AFG1L: variants seen among roughly 807,000 people sequenced by gnomAD.
AFG1L encodes the protein AFG1-like ATPase.
AFG1L carries 53 observed loss-of-function variants against 62.2 expected under a neutral mutation model. That is an observed-to-expected ratio of 0.85 (90% confidence interval 0.68 to 1.07). The LOEUF (loss-of-function observed/expected upper bound fraction) is 1.07, where lower values mean the gene tolerates loss of function less well. Ranked by LOEUF, AFG1L falls within the 50% of genes least tolerant of loss-of-function variation. AFG1L has a pLI of 0.00. For missense variants in AFG1L, 555 were observed against 590.5 expected (o/e 0.94, Z 0.62); for synonymous variants, 228 against 210.3 (o/e 1.08, Z -0.73).
chr6:108,395,049 A>G (rs937466402), intron 6 of AFG1L, among the ~76,000 whole-genome samples: 32 of 152,212 alleles, frequency 2.1e-4, no homozygotes, highest in African/African-American at 7.7e-4. Flanking sequence ...TGAAATCTAA[A>G]TAGCCTGGCC....
At chr6:108,522,181 TA>T (rs371449639) in intron 12 of AFG1L, 115 bp from the exon 13 acceptor site, 36 of 861,642 alleles carry the variant, frequency 4.2e-5, no homozygotes, top group East Asian at 5.4e-5. Flanking sequence ...AAAAAAGTTA[TA>T]AAAAAAGGCA....
At chr6:108,345,280 C>G (rs1778821912) in intron 2 of AFG1L, among the ~76,000 whole-genome samples, 1 of 151,962 alleles carries the variant, frequency 6.6e-6, no homozygotes, top group Admixed American at 6.6e-5. Flanking sequence ...TTTCTTTCTC[C>G]CACTATGCTT....
intron 10 of AFG1L, among the ~76,000 whole-genome samples, chr6:108,487,338 G>A (rs1369518602): frequency 6.6e-6 from 1 of 152,112 alleles, no homozygotes; most frequent in Non-Finnish European, 1.5e-5. Flanking sequence ...GGATAGTCAA[G>A]GCACTCCAGC....
chr6:108,336,218 C>A (rs1443306788), intron 2 of AFG1L, among the ~76,000 whole-genome samples: 3 of 152,132 alleles, frequency 2.0e-5, no homozygotes, highest in Non-Finnish European at 4.4e-5. Context: ...TTATGCTCAG[C>A]ATTCCAGCTG....
intron 3 of AFG1L, among the ~76,000 whole-genome samples, chr6:108,355,200 C>T (rs1715364845): frequency 6.6e-6 from 1 of 151,868 alleles, no homozygotes; most frequent in Non-Finnish European, 1.5e-5. Flanking sequence ...CTTGGCCTCC[C>T]AAAGTGCTGG....
chr6:108,485,658 T>A (rs1952739), intron 10 of AFG1L, among the ~76,000 whole-genome samples: 329 of 12,904 alleles, frequency 0.025, 1 homozygote, highest in Middle Eastern at 0.1. Flanking sequence ...ATATATATAT[T>A]TTTTTTTTTT....
chr6:108,339,666 G>A (rs1778607936), intron 2 of AFG1L, among the ~76,000 whole-genome samples: 1 of 151,972 alleles, frequency 6.6e-6, no homozygotes, highest in African/African-American at 2.4e-5. Context: ...CACCATGTTG[G>A]CTAGGCTGGT....
intron 8 of AFG1L, among the ~76,000 whole-genome samples, chr6:108,475,080 G>A (rs1183298238): frequency 6.6e-6 from 1 of 152,180 alleles, no homozygotes; most frequent in Non-Finnish European, 1.5e-5. Context: ...GCATAAGGAA[G>A]GGGTCCAGTT....
At chr6:108,437,003 A>G (rs983162312) in intron 7 of AFG1L, among the ~76,000 whole-genome samples, 3 of 152,142 alleles carry the variant, frequency 2.0e-5, no homozygotes, top group Non-Finnish European at 2.9e-5. Context: ...TCTGATTCCA[A>G]GATGTTACCT....
intron 10 of AFG1L, among the ~76,000 whole-genome samples, chr6:108,504,576 G>T (rs1056743912): frequency 6.6e-6 from 1 of 152,284 alleles, no homozygotes; most frequent in Non-Finnish European, 1.5e-5. Context: ...GTGACATATT[G>T]TGGCAGTTAA....
At chr6:108,438,724 C>T (rs1771415737) in intron 7 of AFG1L, among the ~76,000 whole-genome samples, 1 of 152,064 alleles carries the variant, frequency 6.6e-6, no homozygotes, top group African/African-American at 2.4e-5. Flanking sequence ...TTAAATATCC[C>T]CCTTCCCGCT....
intron 10 of AFG1L, among the ~76,000 whole-genome samples, chr6:108,505,285 G>A (rs1052443612): frequency 1.3e-5 from 2 of 152,066 alleles, no homozygotes; most frequent in Middle Eastern, 3.4e-3. Flanking sequence ...GTAGAGATGG[G>A]GTTTCACCAT....
intron 7 of AFG1L, among the ~76,000 whole-genome samples, chr6:108,424,912 A>G (rs1770746891): frequency 6.6e-6 from 1 of 152,138 alleles, no homozygotes; most frequent in Non-Finnish European, 1.5e-5. Context: ...TATCACTGCC[A>G]TCACTCTTGG....
chr6:108,308,698 ATTATTTAT>A (rs900383971), intron 1 of AFG1L, among the ~76,000 whole-genome samples: 1 of 151,030 alleles, frequency 6.6e-6, no homozygotes, highest in South Asian at 2.1e-4. Context: ...TATTTATTTT[ATTATTTAT>A]TTATTTATTT....
Position 108,514,799 on chromosome 6 carries a change from G to T in AFG1L, c.1203+4447G>T, listed in dbSNP as rs552472804. 3.9e-5 allele frequency among the ~76,000 whole-genome samples: 6 copies of T among 152,280 alleles called. No homozygotes were observed. In the South Asian group the frequency reaches 1.0e-3, roughly 26 times the overall value. On this transcript the variant is annotated intron_variant, in intron 11 of 12. Coordinates refer to ENST00000368977, the MANE Select transcript of AFG1L (RefSeq NM_145315.5). ...ATGGACTCAAAATAAAAGGATGGAG[G>T]AAGATCTACCAAGCAAATGGAAAAC... is the stretch of plus-strand genomic sequence containing the variant.
chr6:108,415,246 A>G (rs1459641857), intron 7 of AFG1L, among the ~76,000 whole-genome samples: 1 of 152,234 alleles, frequency 6.6e-6, no homozygotes, highest in Non-Finnish European at 1.5e-5. Context: ...GGAGAACTGC[A>G]AACCACTGCT....
chr6:108,409,331 C>T (rs564064858), intron 7 of AFG1L, among the ~76,000 whole-genome samples: 1 of 152,186 alleles, frequency 6.6e-6, no homozygotes, highest in East Asian at 1.9e-4. Context: ...GCAGACCTGA[C>T]TAGGAGAACT....
At chr6:108,445,326 A>G (rs559068635) in intron 7 of AFG1L, among the ~76,000 whole-genome samples, 3 of 152,180 alleles carry the variant, frequency 2.0e-5, no homozygotes, top group Non-Finnish European at 4.4e-5. Context: ...TTTTCTCCAT[A>G]TCAATAATAA....
intron 7 of AFG1L, among the ~76,000 whole-genome samples, chr6:108,446,095 CACACACA>C (rs1562166669): frequency 3.0e-4 from 32 of 107,240 alleles, no homozygotes; most frequent in East Asian, 1.8e-3. Context: ...CACACACACA[CACACACA>C]CCCCTACATA....
Sources: gnomAD v4.1 joint callset for allele counts (sites outside exome capture counted in the v4.1 genomes callset) on GRCh38, gnomAD v4.1.1 for gene constraint, MANE v1.5 for transcripts, NCBI Gene and HGNC (gene_info 2026-07-23, HGNC 2026-07-21) for gene names.